Variants in TBC1D9 observed in about 807,000 individuals in gnomAD.
The protein encoded by TBC1D9 is TBC1 domain family member 9.
TBC1D9 carries 63 observed loss-of-function variants against 132.0 expected under a neutral mutation model. That is an observed-to-expected ratio of 0.48 (90% CI 0.39 to 0.59). The LOEUF is 0.59. TBC1D9 is among the 20% of genes least tolerant of loss of function. TBC1D9 has a pLI of 0.00. For synonymous variants in TBC1D9, 610 were observed against 609.9 expected, an observed-to-expected ratio of 1.00 and a Z score of 0.00; for missense variants, 1,261 against 1,592.7, an observed-to-expected ratio of 0.79 and a Z score of 3.54.
intron 15 of TBC1D9, among the ~76,000 whole-genome samples, chr4:140,638,061 G>A (rs974297419): frequency 2.6e-5 from 4 of 152,164 alleles, no homozygotes; most frequent in South Asian, 2.1e-4. Flanking sequence ...GGCAGTGGGC[G>A]ACATCAGCAA....
At chr4:140,671,279 T>C (rs905421632) in intron 6 of TBC1D9, among the ~76,000 whole-genome samples, 1 of 152,158 alleles carries the variant, frequency 6.6e-6, no homozygotes, top group African/African-American at 2.4e-5. Flanking sequence ...CCCGGGATGC[T>C]GCTAAACATC....
chr4:140,674,413 A>G (rs918118003), intron 6 of TBC1D9, among the ~76,000 whole-genome samples: 9 of 152,312 alleles, frequency 5.9e-5, no homozygotes, highest in Middle Eastern at 3.4e-3. Flanking sequence ...ACTTAAAGAA[A>G]ATTATACATA....
intron 1 of TBC1D9, among the ~76,000 whole-genome samples, chr4:140,732,834 G>T (rs1233239340): frequency 1.3e-5 from 2 of 152,050 alleles, no homozygotes; most frequent in Non-Finnish European, 2.9e-5. Flanking sequence ...TGAATATCAG[G>T]AAATGAAAAT....
chr4:140,739,851 T>G (rs1323426645), intron 1 of TBC1D9, among the ~76,000 whole-genome samples: 1 of 152,204 alleles, frequency 6.6e-6, no homozygotes, highest in African/African-American at 2.4e-5. Flanking sequence ...AAAAAAAATT[T>G]TTTTTAAACA....
intron 13 of TBC1D9, among the ~76,000 whole-genome samples, chr4:140,656,150 T>A (rs1737263258): frequency 6.6e-6 from 1 of 152,168 alleles, no homozygotes. Context: ...TAGTTCTCAC[T>A]GTAGAAGGAA....
In TBC1D9 at chr4:140,622,816, C is replaced by T. The variant is rs1456429576; in HGVS notation, c.3180G>A (p.Leu1060=). Residue 1060 remains leucine (L), a synonymous_variant, in exon 21 of 21, where the codon CTG becomes CTA. Transcript: ENST00000442267. ...YHATAAVTSL[L]LEIGEVGKLF... is the part of the protein sequence containing the mutation. The stretch of plus-strand genomic sequence containing the variant: ...ACTTGCCGACCTCCCCAATCTCCAG[C>T]AGGAGGCTGGTCACTGCTGCCGTGG... The T allele has an allele frequency of 6.2e-7, 1 of 1,600,928 alleles. No individual in the cohort carries two copies. The highest frequency in any genetic ancestry group is 8.5e-7 in the Non-Finnish European group (1 of 1,177,504).
intron 13 of TBC1D9, chr4:140,645,325 C>G: frequency 2.0e-6 from 1 of 503,574 alleles, no homozygotes; most frequent in South Asian, 1.5e-5. Context: ...CAGGCCCCAG[C>G]CAGCCACTGC....
At chr4:140,635,489 T>C (rs763313975) in intron 15 of TBC1D9, among the ~76,000 whole-genome samples, 1 of 151,980 alleles carries the variant, frequency 6.6e-6, no homozygotes, top group Non-Finnish European at 1.5e-5. Flanking sequence ...CTTAAAAAAA[T>C]AAAACTAAAA....
chr4:140,646,639 A>C (rs555468171), intron 13 of TBC1D9, among the ~76,000 whole-genome samples: 12 of 152,136 alleles, frequency 7.9e-5, no homozygotes, highest in Non-Finnish European at 1.8e-4. Flanking sequence ...AGTACCTTTT[A>C]CTTTCTGTTT....
chr4:140,707,793 C>T (rs916535392), intron 1 of TBC1D9, among the ~76,000 whole-genome samples: 1 of 152,006 alleles, frequency 6.6e-6, no homozygotes, highest in African/African-American at 2.4e-5. Flanking sequence ...TTCTATTTCC[C>T]TCAATATCCA....
rs944353768 is a variant in TBC1D9 at position 140,658,961 on chromosome 4, A to C, written c.1921+627T>G. Among the ~76,000 whole-genome samples, 5 of 152,184 alleles carry C rather than the reference A, an allele frequency of 3.3e-5. No homozygotes were observed. In the South Asian group the frequency reaches 1.0e-3, roughly 32 times the overall value. ...TTTTTGACAATATTTTCAATAATCAAATTCATGTGCAAATGTTTAGAAATA... is the reference window on the plus strand; with the variant it reads ...TTTTTGACAATATTTTCAATAATCACATTCATGTGCAAATGTTTAGAAATA... On this transcript the variant is annotated intron_variant, in intron 11 of 20. Coordinates refer to ENST00000442267, the MANE Select transcript of TBC1D9 (RefSeq NM_015130.3).
intron 9 of TBC1D9, among the ~76,000 whole-genome samples, chr4:140,663,278 A>G (rs1737394247): frequency 2.0e-5 from 3 of 152,232 alleles, no homozygotes; most frequent in Admixed American, 2.0e-4. Flanking sequence ...AATCACCAAC[A>G]GGTGTATTTA....
chr4:140,650,234 G>C (rs1490110184), intron 13 of TBC1D9, among the ~76,000 whole-genome samples: 1 of 152,236 alleles, frequency 6.6e-6, no homozygotes, highest in African/African-American at 2.4e-5. Flanking sequence ...TCATGAACAG[G>C]CAGCCAGTAG....
intron 16 of TBC1D9, among the ~76,000 whole-genome samples, chr4:140,630,295 CA>C (rs1387426149): frequency 2.6e-5 from 4 of 152,044 alleles, no homozygotes; most frequent in Non-Finnish European, 5.9e-5. Context: ...AGATAATATG[CA>C]AAAACAGCAA....
In TBC1D9 at chr4:140,746,891, G is replaced by A. The variant is rs113530565; in HGVS notation, c.130+9025C>T. Among the ~76,000 whole-genome samples, 505 of 152,296 alleles carry A rather than the reference G, an allele frequency of 3.3e-3. 4 individuals are homozygous for A. The highest frequency in any genetic ancestry group is 0.011 in the African/African-American group (454 of 41,568). On this transcript the variant is annotated intron_variant, in intron 1 of 20. Transcript: ENST00000442267. ...TTGTAAAGAATACTAAATAGGACGG[G>A]CGCAGTGGCTCATGCCTATAATCCT...
intron 9 of TBC1D9, 46 bp downstream of exon 9, chr4:140,668,871 A>G: frequency 6.2e-7 from 1 of 1,602,584 alleles, no homozygotes; most frequent in Non-Finnish European, 8.5e-7. Context: ...CCTGGTGTGG[A>G]GTCCCACAGA....
chr4:140,724,906 C>T lies in TBC1D9; in HGVS notation c.131-23292G>A, dbSNP rs559091902. Reference sequence around the variant, plus strand: ...ATGGCAAAAATCCATAATATGATAACACATTCTGTTTTGCAAGACTGGGAA... The same window carrying T: ...ATGGCAAAAATCCATAATATGATAATACATTCTGTTTTGCAAGACTGGGAA... On this transcript the variant is annotated intron_variant, in intron 1 of 20. Transcript: ENST00000442267. 8.5e-5 allele frequency among the ~76,000 whole-genome samples: 13 copies of T among 152,268 alleles called. No homozygotes were observed. The East Asian group carries it at 1.2e-3, about 14-fold the overall frequency.
At chr4:140,700,988 T>C (rs1738060770) in intron 2 of TBC1D9, 1 of 155,462 alleles carries the variant, frequency 6.4e-6, no homozygotes, top group Non-Finnish European at 1.4e-5. Flanking sequence ...ACAGCATTAC[T>C]GATTATCATC....
At chr4:140,751,461 TG>T (rs1472862325) in intron 1 of TBC1D9, among the ~76,000 whole-genome samples, 1 of 152,146 alleles carries the variant, frequency 6.6e-6, no homozygotes, top group African/African-American at 2.4e-5. Context: ...CATGTTAAGG[TG>T]GGGGTTAAAA....
Sources: allele counts gnomAD v4.1 joint callset (sites outside exome capture counted in the v4.1 genomes callset), GRCh38; gene constraint gnomAD v4.1.1; transcripts MANE v1.5; gene names NCBI Gene and HGNC (gene_info 2026-07-23, HGNC 2026-07-21).